TRANK1: variants seen among roughly 807,000 people sequenced by gnomAD.
The protein encoded by TRANK1 is TPR and ankyrin repeat-containing protein 1.
In TRANK1, 198 loss-of-function variants were observed where a neutral mutation model predicts 266.0. The ratio of observed to expected loss-of-function variants is 0.74; its 90% confidence interval spans 0.66 to 0.84. The LOEUF is 0.84. TRANK1 is among the 40% of genes least tolerant of loss of function. TRANK1 has a pLI of 0.00. For missense variants in TRANK1, 3,326 were observed against 3,634.6 expected (o/e 0.92, Z 2.18); for synonymous variants, 1,396 against 1,384.1 (o/e 1.01, Z -0.19).
chr3:36,855,667 G>T lies in TRANK1; in HGVS notation c.4055C>A (p.Ser1352Tyr). The T allele has an allele frequency of 6.2e-7, 1 of 1,613,794 alleles. No homozygotes were observed. The highest frequency in any genetic ancestry group is 8.5e-7 in the Non-Finnish European group (1 of 1,179,858). Residue 1352 changes from serine (S) to tyrosine (Y), a missense_variant, in exon 13 of 24, where the codon TCT (serine) becomes TAT (tyrosine). By Grantham distance (144) the Ser-to-Tyr change is moderately radical. Coordinates refer to ENST00000645898, the MANE Select transcript of TRANK1 (RefSeq NM_001329998.2). ...GGCCTCAAAAGAACCCTTTAGAAAA[G>T]ATTTTATTTCTTTCCAAATCAGTGC... ...NPALIWKEIK[S>Y]FLKGSFEALS...
chr3:36,836,112 CT>C, intron 20 of TRANK1, among the ~76,000 whole-genome samples: 1 of 152,206 alleles, frequency 6.6e-6, no homozygotes, highest in East Asian at 1.9e-4. Flanking sequence ...AATCTGCTGA[CT>C]GTGGTCAAGA....
intron 1 of TRANK1, among the ~76,000 whole-genome samples, chr3:36,938,150 G>C (rs2080448026): frequency 6.6e-6 from 1 of 152,206 alleles, no homozygotes; most frequent in African/African-American, 2.4e-5. Context: ...CATCTGAAGG[G>C]TGGCCCCTTA....
chr3:36,868,566 A>G (rs961032373), intron 9 of TRANK1, among the ~76,000 whole-genome samples: 2 of 152,216 alleles, frequency 1.3e-5, no homozygotes, highest in Non-Finnish European at 2.9e-5. Context: ...ATCAATTTAA[A>G]TTTACATTCT....
At chr3:36,935,129 C>G (rs1209226479) in intron 1 of TRANK1, among the ~76,000 whole-genome samples, 2 of 152,194 alleles carry the variant, frequency 1.3e-5, no homozygotes, top group Non-Finnish European at 2.9e-5. Flanking sequence ...TGAACATCAG[C>G]TCTTCCCCAA....
intron 1 of TRANK1, among the ~76,000 whole-genome samples, chr3:36,940,550 C>T (rs2080483589): frequency 1.3e-5 from 2 of 152,022 alleles, no homozygotes; most frequent in African/African-American, 4.8e-5. Context: ...CCCTCTCTTC[C>T]ACCTGGCAAT....
intron 17 of TRANK1, 106 bp downstream of exon 17, chr3:36,846,138 AAAAG>A: frequency 4.3e-6 from 5 of 1,165,658 alleles, no homozygotes; most frequent in Non-Finnish European, 5.9e-6. Flanking sequence ...AAGATTGTGG[AAAAG>A]AAAGAAAGCA....
intron 1 of TRANK1, among the ~76,000 whole-genome samples, chr3:36,937,997 AC>A (rs2080446303): frequency 2.0e-5 from 3 of 152,070 alleles, no homozygotes; most frequent in Admixed American, 2.0e-4. Context: ...CAACCCCAAG[AC>A]CACAGCAATT....
chr3:36,941,242 C>A (rs1188736342), intron 1 of TRANK1, among the ~76,000 whole-genome samples: 15 of 152,116 alleles, frequency 9.9e-5, no homozygotes, highest in Admixed American at 8.5e-4. Flanking sequence ...TAGGAGGACC[C>A]AGTGCTTAAA....
intron 8 of TRANK1, among the ~76,000 whole-genome samples, chr3:36,875,501 C>T (rs2079374618): frequency 6.6e-6 from 1 of 152,220 alleles, no homozygotes; most frequent in Non-Finnish European, 1.5e-5. Flanking sequence ...CAGATGAGAA[C>T]ATAGCCAAAG....
At chr3:36,888,144 A>G (rs975567675) in intron 8 of TRANK1, among the ~76,000 whole-genome samples, 2 of 152,256 alleles carry the variant, frequency 1.3e-5, no homozygotes, top group African/African-American at 2.4e-5. Context: ...TATTTATACA[A>G]TAGACTATTA....
chr3:36,859,692 C>A (rs2079108496), intron 11 of TRANK1, among the ~76,000 whole-genome samples: 1 of 152,212 alleles, frequency 6.6e-6, no homozygotes, highest in South Asian at 2.1e-4. Flanking sequence ...CCACACACTT[C>A]CAGCAGCTGC....
At chr3:36,884,933 GAA>G (rs201019383) in intron 8 of TRANK1, among the ~76,000 whole-genome samples, 42,909 of 109,222 alleles carry the variant, frequency 0.39, 6,796 homozygotes, top group East Asian at 0.59. Flanking sequence ...CTCTGTCTCA[GAA>G]AAAAAAAAAA....
In TRANK1 at chr3:36,833,272, T is replaced by C; in HGVS notation, c.6311A>G (p.Asn2104Ser). Reference sequence around the variant, plus strand: ...AGATTTGACCATTTCCTTCTCAGCATTGTTGGTCACTCTTTTGAGAGCCCT... The same window carrying C: ...AGATTTGACCATTTCCTTCTCAGCACTGTTGGTCACTCTTTTGAGAGCCCT... ...LVRALKRVTN[N>S]AEKEMVKSCF... Residue 2104 changes from asparagine (N) to serine (S), a missense_variant, in exon 22 of 24, where the codon AAT (asparagine) becomes AGT (serine). By Grantham distance (46) the Asn-to-Ser change is conservative. Transcript: ENST00000645898. The C allele has an allele frequency of 1.2e-6, 2 of 1,613,998 alleles. No homozygotes were observed. Among genetic ancestry groups the C allele is most frequent in the Non-Finnish European group, 1.7e-6 (2 of 1,179,884 alleles).
At chr3:36,879,911 C>CAAATATATGTAAATATAT (rs1559449332) in intron 8 of TRANK1, among the ~76,000 whole-genome samples, 1 of 59,062 alleles carries the variant, frequency 1.7e-5, no homozygotes, top group Non-Finnish European at 2.9e-5. Flanking sequence ...TGTAAACATG[C>CAAATATATGTAAATATAT]AAATATATGT....
At chr3:36,923,182 G>A (rs150236785) in intron 1 of TRANK1, among the ~76,000 whole-genome samples, 58 of 151,840 alleles carry the variant, frequency 3.8e-4, no homozygotes, top group Non-Finnish European at 6.2e-4. Context: ...GATTCTGACC[G>A]TTGCCCTCTT....
Position 36,914,411 on chromosome 3 carries a change from G to A in TRANK1, c.24-5957C>T, listed in dbSNP as rs576733525. Reference sequence around the variant, plus strand: ...ATCCCTCGGTCTTCCAAAGTGCTGGGATTACAGACATGAGCCACTGCACCC... The same window carrying A: ...ATCCCTCGGTCTTCCAAAGTGCTGGAATTACAGACATGAGCCACTGCACCC... On this transcript the variant is annotated intron_variant, in intron 1 of 23. Coordinates refer to ENST00000645898, the MANE Select transcript of TRANK1 (RefSeq NM_001329998.2). 3.3e-5 allele frequency among the ~76,000 whole-genome samples: 5 copies of A among 149,810 alleles called. No individual in the cohort carries two copies. The South Asian group carries it at 8.4e-4, about 25-fold the overall frequency.
Position 36,833,864 on chromosome 3 carries a change from C to A in TRANK1, c.5719G>T (p.Ala1907Ser). 6.2e-7 allele frequency: 1 copy of A among 1,613,870 alleles called. No individual in the cohort carries two copies. Among genetic ancestry groups the A allele is most frequent in the Non-Finnish European group, 8.5e-7 (1 of 1,179,874 alleles). ...TLPISKLSYS[A>S]SQFYLEAAAK... ...GCAGCTTCCAAGTAAAACTGACTGG[C>A]AGAATAGGAGAGCTTGGAAATGGGA... Residue 1907 changes from alanine to serine, a missense_variant, in exon 22 of 24, where the codon GCC becomes TCC. Transcript: ENST00000645898.
chr3:36,914,098 A>G (rs1426367599), intron 1 of TRANK1, among the ~76,000 whole-genome samples: 1 of 151,628 alleles, frequency 6.6e-6, no homozygotes, highest in Non-Finnish European at 1.5e-5. Flanking sequence ...TACCTCCCCA[A>G]TATCTAGGGT....
At chr3:36,911,594 C>T (rs1211001666) in intron 1 of TRANK1, among the ~76,000 whole-genome samples, 1 of 152,180 alleles carries the variant, frequency 6.6e-6, no homozygotes, top group Non-Finnish European at 1.5e-5. Context: ...GATACAATCA[C>T]ATCAAAGGTG....
Sources: allele counts gnomAD v4.1 joint callset (sites outside exome capture counted in the v4.1 genomes callset), GRCh38; gene constraint gnomAD v4.1.1; transcripts MANE v1.5; gene names NCBI Gene and HGNC (gene_info 2026-07-23, HGNC 2026-07-21).